Variants in LAMA3 observed in about 807,000 individuals in gnomAD.
LAMA3 encodes the protein laminin subunit alpha-3.
Under a neutral mutation model 402.0 loss-of-function variants are expected in LAMA3, and 281 were observed. That is an observed-to-expected ratio of 0.70 (90% CI 0.63 to 0.77). The LOEUF (loss-of-function observed/expected upper bound fraction) is 0.77, where lower values mean the gene tolerates loss of function less well. LAMA3 is among the 30% of genes least tolerant of loss of function. The pLI is 0.00. For missense variants in LAMA3, 3,840 were observed against 4,215.5 expected (o/e 0.91, Z 2.47); for synonymous variants, 1,431 against 1,558.4 (o/e 0.92, Z 1.93).
At chr18:23,846,062 G>A (rs997623501) in intron 30 of LAMA3, among the ~76,000 whole-genome samples, 13 of 152,150 alleles carry the variant, frequency 8.5e-5, no homozygotes, top group African/African-American at 1.2e-4. Context: ...TCCCAGCTGT[G>A]CAAGGTTCCC....
intron 70 of LAMA3, among the ~76,000 whole-genome samples, chr18:23,948,039 C>T (rs994089587): frequency 6.6e-6 from 1 of 152,182 alleles, no homozygotes; most frequent in Non-Finnish European, 1.5e-5. Flanking sequence ...GTCTCGATCT[C>T]CTGACCTCGT....
At chr18:23,873,281 A>G (rs2064593593) in intron 38 of LAMA3, 1 of 1,391,372 alleles carries the variant, frequency 7.2e-7, no homozygotes, top group Non-Finnish European at 1.0e-6. Flanking sequence ...ATTTTAAGTT[A>G]CAGTTACGGT....
intron 19 of LAMA3, 84 bp from the exon 20 acceptor site, chr18:23,822,168 C>A: frequency 6.8e-7 from 1 of 1,480,726 alleles, no homozygotes; most frequent in South Asian, 1.1e-5. Context: ...AGTAGTGACA[C>A]TTGAATAGAA....
intron 2 of LAMA3, among the ~76,000 whole-genome samples, chr18:23,723,584 G>A (rs1275998254): frequency 1.3e-5 from 2 of 151,566 alleles, no homozygotes; most frequent in Admixed American, 1.3e-4. Flanking sequence ...CGGTGGATGG[G>A]GAGATCAGTG....
intron 2 of LAMA3, among the ~76,000 whole-genome samples, chr18:23,724,611 A>T (rs924536285): frequency 2.0e-5 from 3 of 152,218 alleles, no homozygotes; most frequent in South Asian, 2.1e-4. Context: ...TGATTTTTTA[A>T]AAAAGAGCAT....
At position 23,871,603 on chromosome 18, in the gene LAMA3, T is replaced by A; in HGVS notation, c.4940T>A (p.Ile1647Lys). Residue 1647 changes from isoleucine to lysine, a missense_variant, in exon 38 of 75, where the codon ATA becomes AAA. By Grantham distance (102) the Ile-to-Lys change is moderately radical. Coordinates refer to ENST00000313654, the MANE Select transcript of LAMA3 (RefSeq NM_198129.4). ...GCCTCTGACACAGGAAGTGGGCGCA[T>A]AGCACTTGCTGTGGAAATCTGTGCC... ...EEASDTGSGR[I>K]ALAVEICACP... 1 of 1,614,002 alleles carries A rather than the reference T, an allele frequency of 6.2e-7. No individual in the cohort carries two copies. Among genetic ancestry groups the A allele is most frequent in the South Asian group, 1.1e-5 (1 of 91,034 alleles).
In LAMA3 at chr18:23,907,686, A is replaced by T. The variant is rs372242986; in HGVS notation, c.6835+20A>T. 1.2e-6 allele frequency: 2 copies of T among 1,611,102 alleles called. No homozygotes were observed. The highest frequency in any genetic ancestry group is 2.7e-5 in the African/African-American group (2 of 74,844). On this transcript the variant is annotated intron_variant, in intron 53 of 74. Coordinates refer to ENST00000313654, the MANE Select transcript of LAMA3 (RefSeq NM_198129.4). ...AGAGAGGTCAGCATCTTCCTAATCCATTGTACTCGGTTGGCTTCTTTTGTT... is the reference window on the plus strand; with the variant it reads ...AGAGAGGTCAGCATCTTCCTAATCCTTTGTACTCGGTTGGCTTCTTTTGTT...
chr18:23,830,884 A>G (rs1323599688), intron 23 of LAMA3, among the ~76,000 whole-genome samples: 1 of 152,102 alleles, frequency 6.6e-6, no homozygotes, highest in African/African-American at 2.4e-5. Flanking sequence ...CAGCAAGTCT[A>G]CCTTCCTTCC....
In LAMA3 at chr18:23,903,127, T is replaced by C. The variant is rs1057516280; in HGVS notation, c.6318+2T>C. On this transcript the variant is annotated splice_donor_variant, in intron 49 of 74. Coordinates refer to ENST00000313654, the MANE Select transcript of LAMA3 (RefSeq NM_198129.4). LOFTEE classifies it high-confidence loss of function. ...CAGCTGATGGAGAAAAGCCAGAAGG[T>C]AGAGGAAATAGTTGTTCTCTAGAAA... 2 of 1,555,384 alleles carry C rather than the reference T, an allele frequency of 1.3e-6. No individual in the cohort carries two copies. The highest frequency in any genetic ancestry group is 1.8e-6 in the Non-Finnish European group (2 of 1,126,638).
chr18:23,858,319 C>G (rs1347650357), intron 33 of LAMA3, among the ~76,000 whole-genome samples: 1 of 152,164 alleles, frequency 6.6e-6, no homozygotes, highest in Admixed American at 6.5e-5. Context: ...TCCAGGTGAT[C>G]ATCTCTGCTC....
intron 29 of LAMA3, among the ~76,000 whole-genome samples, chr18:23,844,182 G>C (rs951816686): frequency 6.6e-6 from 1 of 152,220 alleles, no homozygotes; most frequent in African/African-American, 2.4e-5. Context: ...TAAGCTCCCT[G>C]TAAGCTGTGA....
At position 23,827,330 on chromosome 18, in the gene LAMA3, C is replaced by A. The variant is rs1290301364; in HGVS notation, c.2686C>A (p.His896Asn). 1 of 1,614,184 alleles carries A rather than the reference C, an allele frequency of 6.2e-7. No individual in the cohort carries two copies. Among genetic ancestry groups the A allele is most frequent in the Non-Finnish European group, 8.5e-7 (1 of 1,180,024 alleles). ...PPQENCLLYQ[H>N]LPVTRFPCTL... Reference sequence around the variant, plus strand: ...TTGTTGAAGTTGCTTACTCTACCAGCATTTGCCAGTGACCAGATTCCCCTG... The same window carrying A: ...TTGTTGAAGTTGCTTACTCTACCAGAATTTGCCAGTGACCAGATTCCCCTG... The change falls in exon 23 of 75, where the codon CAT (histidine) becomes AAT (asparagine). Residue 896 changes from histidine to asparagine, a missense_variant. This residue lies in a region of LAMA3 where 2,109 missense variants were observed against 2,376.0 expected (regional missense o/e 0.89). Transcript: ENST00000313654.
At chr18:23,857,262 T>C (rs1382367155) in intron 32 of LAMA3, among the ~76,000 whole-genome samples, 1 of 152,216 alleles carries the variant, frequency 6.6e-6, no homozygotes, top group Admixed American at 6.5e-5. Context: ...CCAGCCCCTC[T>C]GTCCTGATGA....
chr18:23,892,527 G>A (rs770933074), intron 42 of LAMA3, among the ~76,000 whole-genome samples: 2 of 152,210 alleles, frequency 1.3e-5, no homozygotes, highest in South Asian at 2.1e-4. Flanking sequence ...GTTGAAAATT[G>A]TCAAGGAAAC....
At chr18:23,823,066 C>T (rs918188118) in intron 20 of LAMA3, among the ~76,000 whole-genome samples, 5 of 152,168 alleles carry the variant, frequency 3.3e-5, no homozygotes, top group Admixed American at 6.5e-5. Context: ...TCAAAATGTA[C>T]GCCATCTTTG....
intron 12 of LAMA3, among the ~76,000 whole-genome samples, chr18:23,785,730 C>T (rs1217258985): frequency 6.6e-6 from 1 of 152,188 alleles, no homozygotes; most frequent in East Asian, 1.9e-4. Flanking sequence ...GTGTGCAAAA[C>T]ATTCTTGTGG....
intron 1 of LAMA3, among the ~76,000 whole-genome samples, chr18:23,701,885 A>G (rs1568091493): frequency 1.3e-5 from 2 of 152,318 alleles, no homozygotes; most frequent in South Asian, 2.1e-4. Flanking sequence ...CCTTGGAGTG[A>G]TTGAGAAACA....
intron 40 of LAMA3, among the ~76,000 whole-genome samples, chr18:23,884,254 A>G (rs905981900): frequency 6.6e-6 from 1 of 152,184 alleles, no homozygotes; most frequent in African/African-American, 2.4e-5. Flanking sequence ...GATTGTGCCC[A>G]CAGAAATGCC....
At chr18:23,808,737 G>A (rs1159926147) in intron 12 of LAMA3, among the ~76,000 whole-genome samples, 3 of 152,104 alleles carry the variant, frequency 2.0e-5, no homozygotes, top group African/African-American at 4.8e-5. Context: ...AAATTCTGTC[G>A]TTCACCATCA....
Sources: allele counts gnomAD v4.1 joint callset (sites outside exome capture counted in the v4.1 genomes callset), GRCh38; gene constraint gnomAD v4.1.1; regional missense constraint gnomAD v4.1.1; transcripts MANE v1.5; gene names NCBI Gene and HGNC (gene_info 2026-07-23, HGNC 2026-07-21).